DPP6: variants seen among roughly 807,000 people sequenced by gnomAD.
DPP6 encodes dipeptidyl peptidase like 6.
DPP6 carries 69 observed loss-of-function variants against 122.6 expected under a neutral mutation model. That is an observed-to-expected ratio of 0.56 (90% CI 0.46 to 0.69). The LOEUF (loss-of-function observed/expected upper bound fraction) is 0.69, where lower values mean the gene tolerates loss of function less well. Ranked by LOEUF, DPP6 falls within the 30% of genes least tolerant of loss-of-function variation. The pLI is 0.00. For synonymous variants in DPP6, 418 were observed against 433.1 expected, an observed-to-expected ratio of 0.97 and a Z score of 0.43; for missense variants, 928 against 1,116.9, an observed-to-expected ratio of 0.83 and a Z score of 2.41.
At chr7:153,917,598 T>A (rs549220139) in intron 1 of DPP6, among the ~76,000 whole-genome samples, 14 of 152,252 alleles carry the variant, frequency 9.2e-5, no homozygotes, top group African/African-American at 3.4e-4. Flanking sequence ...TCCCTTTCAG[T>A]AATTGAAAGT....
chr7:154,425,618 G>A (rs1480891447), intron 1 of DPP6, among the ~76,000 whole-genome samples: 6 of 106,014 alleles, frequency 5.7e-5, no homozygotes, highest in Non-Finnish European at 1.1e-4. Context: ...GTGTGTGTGT[G>A]TGGGTGTGTG....
At chr7:154,109,873 T>C (rs1293760584) in intron 1 of DPP6, among the ~76,000 whole-genome samples, 10 of 141,272 alleles carry the variant, frequency 7.1e-5, no homozygotes, top group African/African-American at 2.7e-4. Flanking sequence ...GTGTCTTTAG[T>C]GGGTGGGGCG....
chr7:154,803,879 G>A lies in DPP6; in HGVS notation c.1423G>A (p.Asp475Asn), dbSNP rs1331274769. The stretch of plus-strand genomic sequence containing the variant: ...TGTGTTTCAGCCCAACAGCAGCAAC[G>A]ACAACATCCAGTCCATCACCTCCGG... ...VSSSQPNSSNDNIQSITSGDW... is the reference protein window; with the variant it reads ...VSSSQPNSSNNNIQSITSGDW... The change falls in exon 14 of 26, where the codon GAC becomes AAC. Residue 475 changes from aspartate (D) to asparagine (N), a missense_variant. Physicochemically the swap from Asp to Asn is conservative, Grantham distance 23. Coordinates refer to ENST00000377770, the MANE Select transcript of DPP6 (RefSeq NM_130797.4). 3.1e-6 allele frequency: 5 copies of A among 1,613,610 alleles called. No homozygotes were observed. The highest frequency in any genetic ancestry group is 2.7e-5 in the African/African-American group (2 of 74,934).
At chr7:153,797,181 G>A in the DPP6 span, among the ~76,000 whole-genome samples, 1 of 152,172 alleles carries the variant, frequency 6.6e-6, no homozygotes, top group East Asian at 1.9e-4. Context: ...AGGCTTTCAA[G>A]AGACTCTGAG....
intron 1 of DPP6, among the ~76,000 whole-genome samples, chr7:154,257,674 G>T (rs1252642188): frequency 2.0e-5 from 3 of 152,104 alleles, no homozygotes; most frequent in Non-Finnish European, 4.4e-5. Flanking sequence ...TCCAGCCTGG[G>T]CAACAAGAGT....
intron 1 of DPP6, among the ~76,000 whole-genome samples, chr7:153,942,298 C>G (rs991515532): frequency 1.3e-5 from 2 of 152,204 alleles, no homozygotes; most frequent in South Asian, 4.1e-4. Flanking sequence ...TTGCGACTTA[C>G]AAGAATTTGC....
At chr7:153,862,445 T>G in the DPP6 span, among the ~76,000 whole-genome samples, 2 of 152,208 alleles carry the variant, frequency 1.3e-5, no homozygotes, top group Non-Finnish European at 2.9e-5. Context: ...AAACACCTAC[T>G]GCAGTTAATT....
At chr7:154,232,582 C>A (rs1294269632) in intron 1 of DPP6, among the ~76,000 whole-genome samples, 1 of 152,240 alleles carries the variant, frequency 6.6e-6, no homozygotes, top group Non-Finnish European at 1.5e-5. Flanking sequence ...GTATGGAGAA[C>A]CAATGGCCCT....
At chr7:154,343,772 G>T (rs560995476) in intron 1 of DPP6, among the ~76,000 whole-genome samples, 10 of 152,054 alleles carry the variant, frequency 6.6e-5, no homozygotes, top group Non-Finnish European at 4.4e-5. Flanking sequence ...GTACAGATGG[G>T]GTTTCACCAT....
chr7:154,742,377 C>G (rs1451582420), intron 8 of DPP6, among the ~76,000 whole-genome samples: 1 of 152,220 alleles, frequency 6.6e-6, no homozygotes, highest in Non-Finnish European at 1.5e-5. Flanking sequence ...TGGCACAAAT[C>G]TTTCACACAT....
At chr7:154,510,888 GCTCTCT>G (rs139701384) in intron 3 of DPP6, among the ~76,000 whole-genome samples, 2 of 147,106 alleles carry the variant, frequency 1.4e-5, no homozygotes, top group Non-Finnish European at 3.0e-5. Context: ...TCACTCTCGT[GCTCTCT>G]CTCTCTCTCT....
intron 6 of DPP6, among the ~76,000 whole-genome samples, chr7:154,668,193 T>C (rs1838286084): frequency 4.1e-5 from 1 of 24,550 alleles, no homozygotes. Context: ...GCTATGTGTA[T>C]ATTTTATATA....
At chr7:153,831,180 A>G in the DPP6 span, among the ~76,000 whole-genome samples, 1 of 152,240 alleles carries the variant, frequency 6.6e-6, no homozygotes, top group East Asian at 1.9e-4. Flanking sequence ...AGATGTCTAC[A>G]GAGGACCAAC....
At chr7:154,344,710 AC>A (rs1194331205) in intron 1 of DPP6, among the ~76,000 whole-genome samples, 2 of 151,780 alleles carry the variant, frequency 1.3e-5, no homozygotes, top group African/African-American at 4.8e-5. Flanking sequence ...TTCCGGTGAG[AC>A]CCCCATCTCT....
At chr7:154,754,053 C>G (rs1010079956) in intron 8 of DPP6, among the ~76,000 whole-genome samples, 2 of 151,974 alleles carry the variant, frequency 1.3e-5, no homozygotes, top group Non-Finnish European at 2.9e-5. Context: ...AACTGGAGAC[C>G]TAATTTCCTG....
At chr7:154,779,626 A>G (rs1359394769) in intron 10 of DPP6, among the ~76,000 whole-genome samples, 3 of 152,154 alleles carry the variant, frequency 2.0e-5, no homozygotes, top group Admixed American at 2.0e-4. Context: ...TTGAACTTTC[A>G]GGTGGCACAA....
chr7:154,127,720 T>G lies in DPP6; in HGVS notation c.243+74657T>G, dbSNP rs946924798. The stretch of plus-strand genomic sequence containing the variant: ...GTTGGGAAGGAATCATTCTTTCCAA[T>G]GGCATCGTTGCCCAGCGTTGGCCAG... On this transcript the variant is annotated intron_variant, in intron 1 of 25. Coordinates refer to ENST00000377770, the MANE Select transcript of DPP6 (RefSeq NM_130797.4). Among the ~76,000 whole-genome samples, 1,106 of 151,884 alleles carry G rather than the reference T, an allele frequency of 7.3e-3. 10 individuals are homozygous for G. Among genetic ancestry groups the G allele is most frequent in the Non-Finnish European group, 9.6e-3 (652 of 67,994 alleles).
chr7:154,436,341 T>G (rs939832974), intron 1 of DPP6, among the ~76,000 whole-genome samples: 3 of 151,706 alleles, frequency 2.0e-5, no homozygotes, highest in Admixed American at 2.0e-4. Context: ...TCCTGTATAC[T>G]CTTCAACTCT....
intron 6 of DPP6, among the ~76,000 whole-genome samples, chr7:154,659,550 G>A (rs910567129): frequency 6.6e-6 from 1 of 152,188 alleles, no homozygotes; most frequent in African/African-American, 2.4e-5. Context: ...AGATTATTGC[G>A]TCCAACCCTA....
Sources: gnomAD v4.1 joint callset for allele counts (sites outside exome capture counted in the v4.1 genomes callset) on GRCh38, gnomAD v4.1.1 for gene constraint, MANE v1.5 for transcripts, NCBI Gene and HGNC (gene_info 2026-07-23, HGNC 2026-07-21) for gene names.